The following BMPR2 variants were observed in gnomAD, a reference collection of about 807,000 sequenced individuals.
BMPR2 encodes the protein bone morphogenetic protein receptor type 2.
Under a neutral mutation model 100.8 loss-of-function variants are expected in BMPR2, and 29 were observed. That is an observed-to-expected ratio of 0.29 (90% confidence interval 0.21 to 0.39). The LOEUF (loss-of-function observed/expected upper bound fraction) is 0.39, where lower values mean the gene tolerates loss of function less well. BMPR2 is among the 10% of genes least tolerant of loss of function. The pLI is 1.00. For synonymous variants in BMPR2, 382 were observed against 442.3 expected (o/e 0.86, Z 1.71); for missense variants, 1,011 against 1,274.5 (o/e 0.79, Z 3.15).
intron 1 of BMPR2, among the ~76,000 whole-genome samples, chr2:202,419,217 G>A (rs1559032442): frequency 2.0e-5 from 3 of 152,036 alleles, no homozygotes. Context: ...TTAACATTAT[G>A]TATTTTTGTT....
intron 1 of BMPR2, among the ~76,000 whole-genome samples, chr2:202,394,703 G>A (rs922816641): frequency 2.0e-5 from 3 of 151,774 alleles, no homozygotes; most frequent in Non-Finnish European, 2.9e-5. Context: ...ATTATACTAC[G>A]TGCTTTATTT....
intron 4 of BMPR2, among the ~76,000 whole-genome samples, chr2:202,514,261 T>C (rs970493081): frequency 5.9e-5 from 9 of 152,302 alleles, no homozygotes; most frequent in African/African-American, 2.2e-4. Flanking sequence ...CTCAGCCTCC[T>C]GAGTAGCTGG....
chr2:202,378,218 C>T (rs1690195028), intron 1 of BMPR2, among the ~76,000 whole-genome samples: 2 of 152,196 alleles, frequency 1.3e-5, no homozygotes, highest in Admixed American at 1.3e-4. Flanking sequence ...AGATTTGACT[C>T]CGAAAGTTCT....
chr2:202,397,424 A>C (rs1574426888), intron 1 of BMPR2, among the ~76,000 whole-genome samples: 1 of 152,272 alleles, frequency 6.6e-6, no homozygotes, highest in South Asian at 2.1e-4. Flanking sequence ...AGTAATAAGA[A>C]AGTCAGTCTC....
At chr2:202,512,099 A>G (rs1395823224) in intron 3 of BMPR2, among the ~76,000 whole-genome samples, 1 of 152,194 alleles carries the variant, frequency 6.6e-6, no homozygotes, top group African/African-American at 2.4e-5. Context: ...TTGTTTCAAC[A>G]TATCCTTCTA....
intron 3 of BMPR2, among the ~76,000 whole-genome samples, chr2:202,483,096 T>C (rs1461393472): frequency 6.6e-6 from 1 of 152,216 alleles, no homozygotes; most frequent in African/African-American, 2.4e-5. Context: ...ATTGTGGTTT[T>C]GTTTTATATT....
rs180951049 is a variant in BMPR2, at chr2:202,549,762, A to T, written c.1414-2954A>T. Among the ~76,000 whole-genome samples the T allele has an allele frequency of 2.9e-3, 437 of 148,550 alleles. 3 individuals carry two copies. The highest frequency in any genetic ancestry group is 5.6e-3 in the Non-Finnish European group (376 of 66,788). On this transcript the variant is annotated intron_variant, in intron 10 of 12. Transcript: ENST00000374580. Reference sequence around the variant, plus strand: ...ACTCTGTCTCAAAAAAAAAAAAAAGAAAAGAAAAGAAAAAAGAAACTGCCA... The same window carrying T: ...ACTCTGTCTCAAAAAAAAAAAAAAGTAAAGAAAAGAAAAAAGAAACTGCCA...
intron 1 of BMPR2, among the ~76,000 whole-genome samples, chr2:202,430,030 T>G (rs1409148798): frequency 6.6e-6 from 1 of 152,202 alleles, no homozygotes; most frequent in Non-Finnish European, 1.5e-5. Flanking sequence ...GAAACTTACT[T>G]TCTTCCAATG....
intron 9 of BMPR2, among the ~76,000 whole-genome samples, chr2:202,542,008 G>A (rs1688284658): frequency 6.6e-6 from 1 of 151,900 alleles, no homozygotes; most frequent in South Asian, 2.1e-4. Flanking sequence ...CTACTCGGGA[G>A]GCTGAGGCGA....
chr2:202,489,008 T>TC (rs199684504), intron 3 of BMPR2, among the ~76,000 whole-genome samples: 5,171 of 151,568 alleles, frequency 0.034, 303 homozygotes, highest in African/African-American at 0.12. Flanking sequence ...TTACTTTTTT[T>TC]TTTTTTTTTT....
rs559883253 is a variant in BMPR2, at chr2:202,503,929, C to G, written c.419-9790C>G. Among the ~76,000 whole-genome samples, 23 of 152,304 alleles carry G rather than the reference C, an allele frequency of 1.5e-4. No individual in the cohort carries two copies. The highest frequency in any genetic ancestry group is 5.5e-4 in the African/African-American group (23 of 41,568). On this transcript the variant is annotated intron_variant, in intron 3 of 12. Transcript: ENST00000374580. The surrounding 1 kb of genome is among the most constrained non-coding windows in gnomAD (Gnocchi z 4.0). ...GTATCTAGCTCAAGGTTTGTAAATA[C>G]ACCAATCAGCACCCTGTGTCTAGCT...
At chr2:202,378,644 A>C (rs1193771581) in intron 1 of BMPR2, among the ~76,000 whole-genome samples, 1 of 152,286 alleles carries the variant, frequency 6.6e-6, no homozygotes, top group South Asian at 2.1e-4. Flanking sequence ...AATAATGTCT[A>C]CTGTTGATTA....
At chr2:202,445,991 G>T (rs747600937) in intron 1 of BMPR2, among the ~76,000 whole-genome samples, 1 of 149,720 alleles carries the variant, frequency 6.7e-6, no homozygotes, top group Non-Finnish European at 1.5e-5. Context: ...AGCCAGGATG[G>T]TCTTGATCTC....
In BMPR2 at chr2:202,564,730, C is replaced by T. The variant is rs1294317029; in HGVS notation, c.*4784C>T. 6.6e-6 allele frequency: 1 copy of T among 152,124 alleles called. No individual in the cohort carries two copies. The highest frequency in any genetic ancestry group is 1.5e-5 in the Non-Finnish European group (1 of 68,018). 9.4% of individuals were successfully genotyped at this position (152,124 alleles called of 1,614,324 possible). Reference sequence around the variant, plus strand: ...GGGAATCACAGGGCATTTAAGTGCACCTTCCCATTACTTTCCTTAAATCAC... The same window carrying T: ...GGGAATCACAGGGCATTTAAGTGCATCTTCCCATTACTTTCCTTAAATCAC... On this transcript the variant is annotated 3_prime_UTR_variant, in exon 13 of 13. Transcript: ENST00000374580.
chr2:202,542,505 G>A, intron 10 of BMPR2, 58 bp downstream of exon 10: 1 of 1,583,438 alleles, frequency 6.3e-7, no homozygotes, highest in Non-Finnish European at 8.6e-7. Context: ...TTTTAATGTT[G>A]TTTGAAACAA....
At chr2:202,453,203 G>A (rs1312856560) in intron 1 of BMPR2, among the ~76,000 whole-genome samples, 1 of 79,372 alleles carries the variant, frequency 1.3e-5, no homozygotes, top group Non-Finnish European at 2.8e-5. Flanking sequence ...AATATATACT[G>A]TCTTTTTTTT....
chr2:202,542,254 C>A, intron 9 of BMPR2, 57 bp from the exon 10 acceptor site: 1 of 1,596,622 alleles, frequency 6.3e-7, no homozygotes, highest in South Asian at 1.1e-5. Flanking sequence ...CCCTGTTATT[C>A]TATCATTTAT....
At chr2:202,551,448 C>T (rs1016277389) in intron 10 of BMPR2, among the ~76,000 whole-genome samples, 2 of 151,752 alleles carry the variant, frequency 1.3e-5, no homozygotes, top group Non-Finnish European at 2.9e-5. Flanking sequence ...CACTTGAACC[C>T]GGGAGGCGGA....
chr2:202,469,434 C>T, intron 3 of BMPR2: 2 of 249,216 alleles, frequency 8.0e-6, no homozygotes, highest in Non-Finnish European at 1.6e-5. Context: ...AAATTCTTCA[C>T]AGTATACGCA....
Sources: allele counts gnomAD v4.1 joint callset (sites outside exome capture counted in the v4.1 genomes callset), GRCh38; gene constraint gnomAD v4.1.1; non-coding constraint Gnocchi (gnomAD v3.1); transcripts MANE v1.5; gene names NCBI Gene and HGNC (gene_info 2026-07-23, HGNC 2026-07-21).